Variants in C17orf114 observed in about 807,000 individuals in gnomAD.
C17orf114 encodes the protein uncharacterized protein C17orf114.
chr17:4,801,575 G>A (rs1638635991), intron 1 of C17orf114, 120 bp from the exon 2 acceptor site: 1 of 397,726 alleles, frequency 2.5e-6, no homozygotes, highest in East Asian at 3.6e-5. Context: ...GGCTGGTGAG[G>A]AGTGTTGGTG....
upstream of C17orf114, among the ~76,000 whole-genome samples, chr17:4,806,287 TA>T (rs1185129598): frequency 6.6e-6 from 1 of 152,006 alleles, no homozygotes; most frequent in African/African-American, 2.4e-5. Context: ...TCTTATAAGT[TA>T]AACACACACT....
upstream of C17orf114, among the ~76,000 whole-genome samples, chr17:4,806,464 C>A (rs1905816842): frequency 6.6e-6 from 1 of 152,138 alleles, no homozygotes; most frequent in Non-Finnish European, 1.5e-5. Flanking sequence ...ATTGAAATAT[C>A]TTGTATTTTA....
At chr17:4,801,946 G>C (rs1027880270) in intron 1 of C17orf114, among the ~76,000 whole-genome samples, 1 of 151,908 alleles carries the variant, frequency 6.6e-6, no homozygotes, top group African/African-American at 2.4e-5. Flanking sequence ...AGCCAGGATG[G>C]TCTCCATCCC....
upstream of C17orf114, among the ~76,000 whole-genome samples, chr17:4,804,851 TG>T (rs1021051574): frequency 1.3e-5 from 2 of 152,038 alleles, no homozygotes; most frequent in Non-Finnish European, 2.9e-5. Flanking sequence ...CCCAAAGTGC[TG>T]GGATTACAGG....
chr17:4,802,322 C>A, exon 1 of C17orf114: 2 of 399,214 alleles, frequency 5.0e-6, no homozygotes, highest in Non-Finnish European at 8.8e-6. Context: ...AGACCCATCT[C>A]AACAGTGGAG....
upstream of C17orf114, among the ~76,000 whole-genome samples, chr17:4,806,143 A>G (rs868492421): frequency 1.4e-4 from 22 of 152,196 alleles, no homozygotes; most frequent in Admixed American, 2.6e-4. Flanking sequence ...TGCCCACAAC[A>G]CCCATTAAAT....
At chr17:4,804,733 G>C (rs139914628), upstream of C17orf114, among the ~76,000 whole-genome samples, 13 of 150,650 alleles carry the variant, frequency 8.6e-5, no homozygotes, top group East Asian at 3.9e-4. Flanking sequence ...CGAGTAGTAC[G>C]CATCACCACA....
At chr17:4,806,265 C>T (rs1485071589), upstream of C17orf114, among the ~76,000 whole-genome samples, 5 of 152,072 alleles carry the variant, frequency 3.3e-5, no homozygotes, top group Non-Finnish European at 7.4e-5. Flanking sequence ...AGAAAAAAAT[C>T]GTTTGGCAGT....
At chr17:4,801,271 A>G in exon 2 of C17orf114, 6 of 398,562 alleles carry the variant, frequency 1.5e-5, no homozygotes, top group Non-Finnish European at 2.2e-5. Flanking sequence ...CTGGAGGTTC[A>G]CCTCCTCGTC....
At chr17:4,804,345 C>T (rs1250147280), upstream of C17orf114, among the ~76,000 whole-genome samples, 1 of 151,942 alleles carries the variant, frequency 6.6e-6, no homozygotes, top group Admixed American at 6.6e-5. Context: ...GCTGGGACTA[C>T]AGGTGCCCGC....
upstream of C17orf114, chr17:4,806,818 G>A (rs531918116): frequency 8.6e-5 from 13 of 150,362 alleles, no homozygotes; most frequent in South Asian, 2.7e-3. Flanking sequence ...GGGGCCCGGG[G>A]CGGGCGCCGA....
At chr17:4,805,716 C>G (rs575019858), upstream of C17orf114, among the ~76,000 whole-genome samples, 2 of 151,240 alleles carry the variant, frequency 1.3e-5, no homozygotes, top group African/African-American at 4.9e-5. Context: ...CTTTGGAAGG[C>G]CGAGGAGGGC....
At chr17:4,802,115 C>T (rs1007852293) in intron 1 of C17orf114, 132 bp downstream of exon 1, 1 of 395,882 alleles carries the variant, frequency 2.5e-6, no homozygotes, top group Non-Finnish European at 4.5e-6. Flanking sequence ...GTGAGGACTT[C>T]GGTGATCCAT....
chr17:4,802,076 T>A (rs1905526847), intron 1 of C17orf114, among the ~76,000 whole-genome samples, 171 bp downstream of exon 1: 1 of 152,190 alleles, frequency 6.6e-6, no homozygotes, highest in Admixed American at 6.6e-5. Flanking sequence ...CATTTCGAAC[T>A]GGGCCCTACA....
At chr17:4,806,581 G>A (rs1205092965), upstream of C17orf114, among the ~76,000 whole-genome samples, 4 of 152,102 alleles carry the variant, frequency 2.6e-5, no homozygotes, top group African/African-American at 9.7e-5. Flanking sequence ...CGGAGTAAGC[G>A]CGCAATAAAT....
chr17:4,802,226 T>C (rs1424802283), intron 1 of C17orf114, 21 bp downstream of exon 1: 1 of 399,512 alleles, frequency 2.5e-6, no homozygotes, highest in African/African-American at 2.1e-5. Flanking sequence ...AGCCCCGCTT[T>C]ACCCTCAGTC....
chr17:4,806,031 A>C (rs936960570), upstream of C17orf114, among the ~76,000 whole-genome samples: 1 of 152,246 alleles, frequency 6.6e-6, no homozygotes, highest in African/African-American at 2.4e-5. Flanking sequence ...AAAAGACTGA[A>C]TAGGCACTTT....
At chr17:4,803,858 A>G (rs945206268), upstream of C17orf114, among the ~76,000 whole-genome samples, 7 of 151,824 alleles carry the variant, frequency 4.6e-5, no homozygotes, top group Admixed American at 1.3e-4. Context: ...AGTAGCTGGG[A>G]TTACAGGCAC....
chr17:4,801,646 G>A (rs1214582960), intron 1 of C17orf114, among the ~76,000 whole-genome samples, 191 bp from the exon 2 acceptor site: 2 of 152,160 alleles, frequency 1.3e-5, no homozygotes, highest in African/African-American at 2.4e-5. Context: ...TCGCACACAT[G>A]TGACCTGTGC....
Sources: allele counts gnomAD v4.1 joint callset (sites outside exome capture counted in the v4.1 genomes callset), GRCh38; gene constraint gnomAD v4.1.1; transcripts MANE v1.5; gene names NCBI Gene and HGNC (gene_info 2026-07-23, HGNC 2026-07-21).